Variants in BTBD9 observed in about 807,000 individuals in gnomAD.
BTBD9 encodes the protein BTB/POZ domain-containing protein 9.
In BTBD9, 49 loss-of-function variants were observed where a neutral mutation model predicts 64.3. The observed-to-expected ratio is 0.76, with a 90% CI of 0.61 to 0.97. The LOEUF is 0.97. Ranked by LOEUF, BTBD9 falls within the 50% of genes least tolerant of loss-of-function variation. The pLI is 0.00. For missense variants in BTBD9, 598 were observed against 762.1 expected (o/e 0.78, Z 2.53); for synonymous variants, 260 against 274.7 (o/e 0.95, Z 0.53).
intron 9 of BTBD9, among the ~76,000 whole-genome samples, chr6:38,242,152 T>G (rs1764012363): frequency 6.6e-6 from 1 of 152,206 alleles, no homozygotes; most frequent in Non-Finnish European, 1.5e-5. Flanking sequence ...GATAGTTGAC[T>G]TGTACCTTTA....
chr6:38,337,083 AG>A (rs900859835), intron 7 of BTBD9, among the ~76,000 whole-genome samples: 64 of 152,324 alleles, frequency 4.2e-4, no homozygotes, highest in African/African-American at 1.5e-3. Flanking sequence ...GTGCCACTGT[AG>A]GAAACTATCT....
intron 7 of BTBD9, among the ~76,000 whole-genome samples, chr6:38,323,817 G>T (rs1455655682): frequency 6.6e-6 from 1 of 152,144 alleles, no homozygotes; most frequent in Non-Finnish European, 1.5e-5. Flanking sequence ...ACTCTGTAAA[G>T]CCCAGGTGTG....
At chr6:38,462,950 C>T (rs549115827) in intron 6 of BTBD9, among the ~76,000 whole-genome samples, 17 of 152,270 alleles carry the variant, frequency 1.1e-4, no homozygotes, top group African/African-American at 1.7e-4. Flanking sequence ...AGGCACATGT[C>T]ACCATACCTG....
At chr6:38,333,992 G>A (rs987135334) in intron 7 of BTBD9, among the ~76,000 whole-genome samples, 1 of 152,212 alleles carries the variant, frequency 6.6e-6, no homozygotes, top group African/African-American at 2.4e-5. Flanking sequence ...TGCTGATAGT[G>A]ATGTGACAGT....
chr6:38,236,659 C>T (rs1045481411), intron 9 of BTBD9, among the ~76,000 whole-genome samples: 9 of 152,206 alleles, frequency 5.9e-5, no homozygotes, highest in Non-Finnish European at 1.0e-4. Context: ...AATCAAATCC[C>T]AGTAAACAAC....
chr6:38,392,318 T>C (rs1206372553), intron 6 of BTBD9, among the ~76,000 whole-genome samples: 3 of 151,666 alleles, frequency 2.0e-5, no homozygotes, highest in South Asian at 2.1e-4. Context: ...GTTACCTTGG[T>C]TAGTTGGGAA....
intron 6 of BTBD9, among the ~76,000 whole-genome samples, chr6:38,469,400 C>T (rs1770536194): frequency 1.3e-5 from 2 of 148,524 alleles, no homozygotes; most frequent in South Asian, 4.2e-4. Flanking sequence ...CTCACTGCAA[C>T]CTCCGCCTCC....
chr6:38,505,769 A>G (rs1772457316), intron 6 of BTBD9, among the ~76,000 whole-genome samples: 1 of 151,744 alleles, frequency 6.6e-6, no homozygotes, highest in South Asian at 2.1e-4. Flanking sequence ...GTTCGAGACC[A>G]GACTGGCCAA....
intron 6 of BTBD9, among the ~76,000 whole-genome samples, chr6:38,562,054 T>C (rs1300763281): frequency 1.3e-5 from 2 of 152,204 alleles, no homozygotes; most frequent in Non-Finnish European, 2.9e-5. Flanking sequence ...TAACAAATTG[T>C]ATTTTTCTTA....
At chr6:38,360,617 G>T (rs1004841057) in intron 6 of BTBD9, among the ~76,000 whole-genome samples, 7 of 152,138 alleles carry the variant, frequency 4.6e-5, no homozygotes, top group African/African-American at 1.4e-4. Flanking sequence ...AAGATGAGTG[G>T]GGGTTGTGGG....
intron 7 of BTBD9, among the ~76,000 whole-genome samples, chr6:38,305,630 C>T (rs1007545100): frequency 2.3e-4 from 35 of 151,992 alleles, no homozygotes; most frequent in African/African-American, 6.5e-4. Flanking sequence ...TACAGATGCA[C>T]GCCACCACAC....
intron 8 of BTBD9, among the ~76,000 whole-genome samples, chr6:38,258,725 C>T (rs1244064420): frequency 3.3e-5 from 5 of 152,096 alleles, no homozygotes; most frequent in African/African-American, 1.2e-4. Flanking sequence ...GCCGTCTCTA[C>T]TAAAAATACA....
chr6:38,343,798 C>T (rs1004185506), intron 7 of BTBD9, among the ~76,000 whole-genome samples: 2 of 152,092 alleles, frequency 1.3e-5, no homozygotes, highest in East Asian at 3.8e-4. Flanking sequence ...GAAAATTTTC[C>T]ACTCCTGCTA....
chr6:38,531,738 ATGTT>A lies in BTBD9; in HGVS notation c.1154+45858_1154+45861del, dbSNP rs1216845760. ...TGTAGAGTTTTTATTAGTTTTCTCT[ATGTT>A]TGTGTATTAGTTTGTTTATGCAATC... On this transcript the variant is annotated intron_variant, in intron 6 of 10. Transcript: ENST00000481247. 6.6e-5 allele frequency among the ~76,000 whole-genome samples: 10 copies of A among 152,316 alleles called. No individual in the cohort carries two copies. The East Asian group carries it at 1.9e-3, about 29-fold the overall frequency.
At chr6:38,282,168 C>G (rs1383441379) in intron 8 of BTBD9, among the ~76,000 whole-genome samples, 4 of 152,120 alleles carry the variant, frequency 2.6e-5, no homozygotes, top group African/African-American at 9.7e-5. Flanking sequence ...GTGGTCAAGC[C>G]TCTGAAGACT....
chr6:38,567,136 C>T (rs948367746), intron 6 of BTBD9, among the ~76,000 whole-genome samples: 19 of 152,216 alleles, frequency 1.2e-4, no homozygotes, highest in African/African-American at 4.6e-4. Flanking sequence ...CCATAGCATA[C>T]TGTAGTTTTA....
At chr6:38,459,253 A>T (rs1185210638) in intron 6 of BTBD9, among the ~76,000 whole-genome samples, 2 of 152,170 alleles carry the variant, frequency 1.3e-5, no homozygotes, top group Non-Finnish European at 2.9e-5. Flanking sequence ...TCCTGACCTC[A>T]GGTGATCCCC....
chr6:38,236,837 G>A (rs1417097741), intron 9 of BTBD9, among the ~76,000 whole-genome samples: 2 of 152,176 alleles, frequency 1.3e-5, no homozygotes, highest in East Asian at 3.9e-4. Context: ...AAGGCACAGT[G>A]GGAGGAAGAA....
At chr6:38,567,931 A>C (rs1376763021) in intron 6 of BTBD9, among the ~76,000 whole-genome samples, 3 of 152,210 alleles carry the variant, frequency 2.0e-5, no homozygotes, top group Non-Finnish European at 4.4e-5. Context: ...TTTCCAGAAA[A>C]ACAGATTATT....
Sources: allele counts gnomAD v4.1 joint callset (sites outside exome capture counted in the v4.1 genomes callset), GRCh38; gene constraint gnomAD v4.1.1; transcripts MANE v1.5; gene names NCBI Gene and HGNC (gene_info 2026-07-23, HGNC 2026-07-21).